The following BCAP29 variants were observed in gnomAD, a reference collection of about 807,000 sequenced individuals.
BCAP29 encodes the protein B cell receptor associated protein 29, also known as B-cell receptor-associated protein 29.
A neutral mutation model predicts 31.8 loss-of-function variants in BCAP29; 34 were observed. The observed-to-expected ratio is 1.07, with a 90% CI of 0.81 to 1.42. BCAP29 has a LOEUF of 1.42. Ranked by LOEUF, BCAP29 falls within the 40% of genes most tolerant of loss-of-function variation. The pLI, the probability that BCAP29 is intolerant of heterozygous loss-of-function variation, is 0.00. For synonymous variants in BCAP29, 104 were observed against 91.3 expected (o/e 1.14, Z -0.79); for missense variants, 314 against 269.2 (o/e 1.17, Z -1.16).
At chr7:107,592,899 A>G (rs1055303790) in intron 3 of BCAP29, among the ~76,000 whole-genome samples, 1 of 152,252 alleles carries the variant, frequency 6.6e-6, no homozygotes, top group African/African-American at 2.4e-5. Flanking sequence ...AGAGACAGAA[A>G]GCAGATTGCT....
At chr7:107,594,822 C>A (rs1809523106) in intron 4 of BCAP29, among the ~76,000 whole-genome samples, 1 of 152,042 alleles carries the variant, frequency 6.6e-6, no homozygotes, top group Admixed American at 6.6e-5. Context: ...TTTATAACAT[C>A]TTTGTAAAAG....
chr7:107,622,072 A>C, downstream of BCAP29: 3 of 429,990 alleles, frequency 7.0e-6, no homozygotes, highest in South Asian at 3.8e-5. Flanking sequence ...TTCTCCTTCA[A>C]CTGTATTTTG....
chr7:107,618,368 T>C lies in BCAP29; in HGVS notation c.*5T>C. ...GGCAACAAGAAAAGACTGTGAACTT[T>C]ATAAAAGACACTTGCAATATACTGT... On this transcript the variant is annotated 3_prime_UTR_variant, in exon 8 of 8. Transcript: ENST00000005259. 6.2e-7 allele frequency: 1 copy of C among 1,608,072 alleles called. No individual in the cohort carries two copies. Among genetic ancestry groups the C allele is most frequent in the Non-Finnish European group, 8.5e-7 (1 of 1,176,594 alleles).
At chr7:107,585,655 T>C (rs1285757805) in intron 3 of BCAP29, among the ~76,000 whole-genome samples, 2 of 152,138 alleles carry the variant, frequency 1.3e-5, no homozygotes, top group African/African-American at 2.4e-5. Context: ...ACTTATCATG[T>C]AAGGGAGGGG....
chr7:107,580,395 G>GCCCGA (rs1454350053), intron 1 of BCAP29, 94 bp downstream of exon 1: 7 of 220,370 alleles, frequency 3.2e-5, no homozygotes, highest in South Asian at 1.3e-4. Flanking sequence ...AGCTGGCCTG[G>GCCCGA]CCCGACCCGG....
In BCAP29 at chr7:107,618,385, A is replaced by G; in HGVS notation, c.*22A>G. The G allele has an allele frequency of 6.2e-7, 1 of 1,611,898 alleles. No individual in the cohort carries two copies. Among genetic ancestry groups the G allele is most frequent in the East Asian group, 2.2e-5 (1 of 44,728 alleles). On this transcript the variant is annotated 3_prime_UTR_variant, in exon 8 of 8. Coordinates refer to ENST00000005259, the MANE Select transcript of BCAP29 (RefSeq NM_018844.4). ...GTGAACTTTATAAAAGACACTTGCA[A>G]TATACTGTGTCAAAATGATAATTTT...
At chr7:107,609,649 C>T (rs1812779607) in intron 6 of BCAP29, among the ~76,000 whole-genome samples, 2 of 152,136 alleles carry the variant, frequency 1.3e-5, no homozygotes, top group South Asian at 4.1e-4. Flanking sequence ...TATAATTAAA[C>T]CACAGTTTAT....
downstream of BCAP29, chr7:107,621,961 G>A (rs763892580): frequency 2.7e-5 from 14 of 514,090 alleles, no homozygotes; most frequent in Admixed American, 2.8e-4. Flanking sequence ...TGAATTTCAA[G>A]GGGTGTGGAA....
intron 6 of BCAP29, among the ~76,000 whole-genome samples, chr7:107,610,398 A>G (rs529967013): frequency 6.6e-6 from 1 of 152,208 alleles, no homozygotes; most frequent in African/African-American, 2.4e-5. Context: ...GCTGTTTCCA[A>G]AATAATATGC....
chr7:107,594,564 C>T (rs1029752605), intron 4 of BCAP29, among the ~76,000 whole-genome samples: 4 of 152,022 alleles, frequency 2.6e-5, no homozygotes, highest in South Asian at 4.2e-4. Flanking sequence ...TGCAGTGGCG[C>T]GATCTCGGCT....
At chr7:107,596,109 T>G in intron 5 of BCAP29, 107 bp downstream of exon 5, 1 of 958,244 alleles carries the variant, frequency 1.0e-6, no homozygotes, top group Non-Finnish European at 1.5e-6. Flanking sequence ...AAGCAGAAAA[T>G]GACCATAATT....
At chr7:107,580,700 GC>G (rs1806464286) in intron 1 of BCAP29, 58 bp from the exon 2 acceptor site, 2 of 1,208,004 alleles carry the variant, frequency 1.7e-6, no homozygotes, top group East Asian at 5.3e-5. Context: ...GCGCCTCGGG[GC>G]CTTGAACCCG....
chr7:107,595,447 G>A (rs949821001), intron 4 of BCAP29, among the ~76,000 whole-genome samples: 2 of 152,144 alleles, frequency 1.3e-5, no homozygotes, highest in African/African-American at 2.4e-5. Context: ...TCTAACAATG[G>A]CAGTTACACA....
At chr7:107,591,530 C>T (rs904939456) in intron 3 of BCAP29, among the ~76,000 whole-genome samples, 13 of 151,862 alleles carry the variant, frequency 8.6e-5, no homozygotes, top group Non-Finnish European at 1.6e-4. Flanking sequence ...AGATTTTAAA[C>T]TTAACAAGCC....
intron 7 of BCAP29, chr7:107,615,130 C>T: frequency 2.2e-6 from 1 of 444,980 alleles, no homozygotes; most frequent in Non-Finnish European, 4.6e-6. Context: ...TGAATGTCTC[C>T]ATTGTTGAAT....
chr7:107,608,114 C>G (rs916566027), intron 6 of BCAP29, among the ~76,000 whole-genome samples: 1 of 151,218 alleles, frequency 6.6e-6, no homozygotes, highest in Non-Finnish European at 1.5e-5. Flanking sequence ...TCCTCTTTTC[C>G]CTCCTTTTTC....
chr7:107,599,099 AAT>A (rs1256457435), intron 5 of BCAP29, among the ~76,000 whole-genome samples: 1 of 133,728 alleles, frequency 7.5e-6, no homozygotes, highest in Admixed American at 8.4e-5. Context: ...TATGTATATA[AAT>A]ATATATTTAT....
rs1343469993 is a variant in BCAP29, at chr7:107,594,106, G to A, written c.344+1G>A. ...CTGGATTTTCCCTATTTTTTTGGCT[G>A]TAAGTAAAAAATAATAATAGAAGCA... On this transcript the variant is annotated splice_donor_variant, in intron 4 of 7. Coordinates refer to ENST00000005259, the MANE Select transcript of BCAP29 (RefSeq NM_018844.4). LOFTEE classifies it high-confidence loss of function. 6.3e-7 allele frequency: 1 copy of A among 1,599,402 alleles called. No homozygotes were observed. Among genetic ancestry groups the A allele is most frequent in the Non-Finnish European group, 8.5e-7 (1 of 1,170,050 alleles).
intron 5 of BCAP29, among the ~76,000 whole-genome samples, chr7:107,596,944 CCT>C (rs1429231529): frequency 5.3e-5 from 8 of 152,136 alleles, no homozygotes; most frequent in Non-Finnish European, 8.8e-5. Flanking sequence ...TGTTTGTTTT[CCT>C]CTCCTTTGTT....
Sources: allele counts gnomAD v4.1 joint callset (sites outside exome capture counted in the v4.1 genomes callset), GRCh38; gene constraint gnomAD v4.1.1; transcripts MANE v1.5; gene names NCBI Gene and HGNC (gene_info 2026-07-23, HGNC 2026-07-21).